The following DCDC1 variants were observed in gnomAD, a reference collection of about 807,000 sequenced individuals.
The protein encoded by DCDC1 is doublecortin domain containing 1, also known as doublecortin domain-containing protein 1.
Under a neutral mutation model 178.3 loss-of-function variants are expected in DCDC1, and 200 were observed. The ratio of observed to expected loss-of-function variants is 1.12; its 90% CI spans 1.00 to 1.26. DCDC1 has a LOEUF of 1.26. DCDC1 is among the 50% of genes most tolerant of loss of function. The probability of loss-of-function intolerance (pLI) is 0.00; values close to 1 mark genes in which losing one functional copy is unlikely to be tolerated. For missense variants in DCDC1, 1,983 were observed against 1,749.2 expected, an observed-to-expected ratio of 1.13 and a Z score of -2.38; for synonymous variants, 690 against 604.8, an observed-to-expected ratio of 1.14 and a Z score of -2.07.
rs1194461874 is a variant in DCDC1, at chr11:31,306,300, T to G, written c.523A>C (p.Lys175Gln). The G allele has an allele frequency of 6.2e-7, 1 of 1,611,248 alleles. No homozygotes were observed. Among genetic ancestry groups the G allele is most frequent in the South Asian group, 1.1e-5 (1 of 90,610 alleles). Residue 175 changes from lysine (K) to glutamine (Q), a missense_variant, in exon 5 of 39, where the codon AAA becomes CAA. Physicochemically the swap from Lys to Gln is moderately conservative, Grantham distance 53. Coordinates refer to ENST00000684477, the MANE Select transcript of DCDC1 (RefSeq NM_001387274.1). ...GATCCATTTTTGTAAGCTGTTACTT[T>G]AATCACTCTTGGTTGAAGTTTGTGT... ...QRHKLQPRVI[K>Q]VTAYKNGSRT...
chr11:31,231,997 C>G (rs1975828382), intron 9 of DCDC1, among the ~76,000 whole-genome samples: 3 of 152,330 alleles, frequency 2.0e-5, no homozygotes, highest in South Asian at 4.1e-4. Flanking sequence ...TCCACACTAT[C>G]CAACCACGTT....
chr11:31,365,783 G>C (rs1360879340), intron 1 of DCDC1, among the ~76,000 whole-genome samples: 2 of 152,222 alleles, frequency 1.3e-5, no homozygotes, highest in Middle Eastern at 3.4e-3. Flanking sequence ...GCCTACCTTG[G>C]TTATGTTAGA....
intron 20 of DCDC1, among the ~76,000 whole-genome samples, chr11:31,033,315 T>C (rs868617101): frequency 2.0e-5 from 3 of 152,110 alleles, no homozygotes; most frequent in East Asian, 3.8e-4. Flanking sequence ...TAATTACATA[T>C]ATATTTATTT....
chr11:31,030,088 GA>G lies in DCDC1; in HGVS notation c.2591+34380del, dbSNP rs1220961359. Reference sequence around the variant, plus strand: ...ATATAGTTATTGTGGGTATCGACTTGAAAAAAAAAAGATTTCATATACTTGG... The same window carrying G: ...ATATAGTTATTGTGGGTATCGACTTGAAAAAAAAAGATTTCATATACTTGG... On this transcript the variant is annotated intron_variant, in intron 20 of 38. Coordinates refer to ENST00000684477, the MANE Select transcript of DCDC1 (RefSeq NM_001387274.1). Among the ~76,000 whole-genome samples the G allele has an allele frequency of 9.9e-3, 1,424 of 143,180 alleles. 32 individuals carry two copies. The highest frequency in any genetic ancestry group is 0.034 in the African/African-American group (1,310 of 39,086). The allele number at this position is 143,180 out of a possible 152,430, so 93.9% of individuals were successfully genotyped here. A position where few individuals can be genotyped will look rare whatever the true frequency, so the allele number is the denominator to read the frequency against.
At chr11:30,988,074 A>C (rs1448033050) in intron 20 of DCDC1, among the ~76,000 whole-genome samples, 2 of 152,282 alleles carry the variant, frequency 1.3e-5, no homozygotes, top group Non-Finnish European at 2.9e-5. Context: ...AAGCCAAGAT[A>C]AGAAGTTCAG....
intron 34 of DCDC1, among the ~76,000 whole-genome samples, chr11:30,898,527 G>A (rs1944406702): frequency 6.6e-6 from 1 of 152,124 alleles, no homozygotes; most frequent in Non-Finnish European, 1.5e-5. Context: ...AGGTTTTTGA[G>A]GAGGAACACC....
chr11:31,357,000 C>T (rs1951413396), intron 1 of DCDC1, among the ~76,000 whole-genome samples: 1 of 151,294 alleles, frequency 6.6e-6, no homozygotes, highest in Non-Finnish European at 1.5e-5. Flanking sequence ...CCGAATTCTA[C>T]CAGAGGTACA....
At chr11:30,952,347 G>T in intron 21 of DCDC1, 98 bp downstream of exon 21, 1 of 1,123,274 alleles carries the variant, frequency 8.9e-7, no homozygotes, top group Non-Finnish European at 1.2e-6. Flanking sequence ...CCTAACAGCT[G>T]CAATTCAAAA....
intron 9 of DCDC1, among the ~76,000 whole-genome samples, chr11:31,190,599 A>G (rs2136346463): frequency 6.6e-6 from 1 of 152,240 alleles, no homozygotes; most frequent in South Asian, 2.1e-4. Context: ...ATTCTGATAC[A>G]CAGTGCCAAA....
chr11:31,221,353 G>A (rs1974241705), intron 9 of DCDC1, among the ~76,000 whole-genome samples: 1 of 152,156 alleles, frequency 6.6e-6, no homozygotes, highest in Non-Finnish European at 1.5e-5. Flanking sequence ...ATAGGATAAA[G>A]TTTCCATTCC....
chr11:30,893,583 T>A (rs1202958786), intron 35 of DCDC1, among the ~76,000 whole-genome samples: 1 of 152,206 alleles, frequency 6.6e-6, no homozygotes, highest in African/African-American at 2.4e-5. Context: ...CGAAGTCTTA[T>A]TTCTAGGGAT....
intron 20 of DCDC1, among the ~76,000 whole-genome samples, chr11:31,020,769 C>T (rs1952821052): frequency 6.6e-6 from 1 of 152,052 alleles, no homozygotes; most frequent in African/African-American, 2.4e-5. Flanking sequence ...GAAAGCCTTC[C>T]TAACTCTCAC....
At chr11:30,976,657 G>A (rs1235476862) in intron 20 of DCDC1, among the ~76,000 whole-genome samples, 1 of 151,994 alleles carries the variant, frequency 6.6e-6, no homozygotes, top group African/African-American at 2.4e-5. Flanking sequence ...AGTTAGAATG[G>A]CTATTATTAA....
At position 30,893,017 on chromosome 11, in the gene DCDC1, G is replaced by A. The variant is rs1943915753; in HGVS notation, c.4903-20C>T. ...GTGTGCCTGTCAAGAAAAGCCCAGA[G>A]AATGTTGTGTTTAGAGAACTGTCTG... On this transcript the variant is annotated intron_variant, in intron 35 of 38. Transcript: ENST00000684477. 3 of 1,612,454 alleles carry A rather than the reference G, an allele frequency of 1.9e-6. 1 individual carries two copies. Among genetic ancestry groups the A allele is most frequent in the Non-Finnish European group, 8.5e-7 (1 of 1,179,350 alleles).
chr11:31,021,853 G>A (rs186661229), intron 20 of DCDC1, among the ~76,000 whole-genome samples: 30 of 152,228 alleles, frequency 2.0e-4, no homozygotes, highest in African/African-American at 6.5e-4. Context: ...TGTACAATAA[G>A]TAATAGGAAA....
intron 20 of DCDC1, among the ~76,000 whole-genome samples, chr11:30,970,359 C>T (rs1949709176): frequency 6.6e-6 from 1 of 152,156 alleles, no homozygotes; most frequent in Non-Finnish European, 1.5e-5. Context: ...TGGGGTCCAA[C>T]AGCCCCTACA....
At chr11:31,099,931 A>T (rs563076905) in intron 15 of DCDC1, among the ~76,000 whole-genome samples, 58 of 151,972 alleles carry the variant, frequency 3.8e-4, no homozygotes, top group African/African-American at 1.2e-3. Flanking sequence ...GTTGGCCAGG[A>T]TGGTCTCAAT....
chr11:31,183,463 T>C (rs1969091925), intron 9 of DCDC1, among the ~76,000 whole-genome samples: 1 of 152,152 alleles, frequency 6.6e-6, no homozygotes, highest in Admixed American at 6.5e-5. Flanking sequence ...CACAACTACA[T>C]GGAAACTGAA....
intron 9 of DCDC1, among the ~76,000 whole-genome samples, chr11:31,217,321 T>C (rs960140895): frequency 5.9e-5 from 9 of 152,220 alleles, no homozygotes; most frequent in African/African-American, 7.2e-5. Context: ...ATCTGAACTA[T>C]ATGGACTTCA....
Sources: allele counts gnomAD v4.1 joint callset (sites outside exome capture counted in the v4.1 genomes callset), GRCh38; gene constraint gnomAD v4.1.1; transcripts MANE v1.5; gene names NCBI Gene and HGNC (gene_info 2026-07-23, HGNC 2026-07-21).